LAMB1: variants seen among roughly 807,000 people sequenced by gnomAD.
LAMB1 encodes laminin subunit beta 1.
LAMB1 carries 121 observed loss-of-function variants against 222.3 expected under a neutral mutation model. That is an observed-to-expected ratio of 0.54 (90% CI 0.47 to 0.63). The LOEUF is 0.63. Ranked by LOEUF, LAMB1 falls within the 30% of genes least tolerant of loss-of-function variation. The pLI is 0.00. For synonymous variants in LAMB1, 794 were observed against 807.2 expected (o/e 0.98, Z 0.28); for missense variants, 2,172 against 2,240.8 (o/e 0.97, Z 0.62).
In LAMB1 at chr7:107,935,459, C is replaced by T. The variant is rs776711442; in HGVS notation, c.4144G>A (p.Ala1382Thr). Reference sequence around the variant, plus strand: ...AGGTCTAGGCTTTGTAGCTTGCCTGCCAGTTCATCAAGGAGGCGAGCCTGC... The same window carrying T: ...AGGTCTAGGCTTTGTAGCTTGCCTGTCAGTTCATCAAGGAGGCGAGCCTGC... ...EEQARLLDEL[A>T]GKLQSLDLSA... Residue 1382 changes from alanine to threonine, a missense_variant, in exon 27 of 34, where the codon GCA becomes ACA. Transcript: ENST00000222399. 3.5e-5 allele frequency: 56 copies of T among 1,610,592 alleles called. No individual in the cohort carries two copies. The highest frequency in any genetic ancestry group is 3.6e-5 in the Non-Finnish European group (43 of 1,179,346).
At chr7:107,954,178 G>T (rs2033324922) in intron 21 of LAMB1, among the ~76,000 whole-genome samples, 1 of 151,912 alleles carries the variant, frequency 6.6e-6, no homozygotes, top group Admixed American at 6.5e-5. Context: ...TTTAAGACAT[G>T]GGGCCTTGCT....
intron 5 of LAMB1, among the ~76,000 whole-genome samples, chr7:107,993,800 A>C (rs1278487630): frequency 6.6e-6 from 1 of 152,190 alleles, no homozygotes; most frequent in Non-Finnish European, 1.5e-5. Flanking sequence ...CAATTTATTT[A>C]GTGAAACCTT....
At chr7:107,951,411 G>C in intron 23 of LAMB1, 89 bp from the exon 24 acceptor site, 2 of 1,167,536 alleles carry the variant, frequency 1.7e-6, no homozygotes, top group South Asian at 1.3e-5. Context: ...TTAGAAGTAG[G>C]AATGAACTGT....
intron 17 of LAMB1, 23 bp downstream of exon 17, chr7:107,961,181 ATG>A (rs1171324484): frequency 1.2e-6 from 2 of 1,613,706 alleles, no homozygotes; most frequent in South Asian, 2.2e-5. Flanking sequence ...TTTCCTGCAT[ATG>A]CCAGAAGCAA....
intron 9 of LAMB1, among the ~76,000 whole-genome samples, chr7:107,977,530 A>G (rs1018236527): frequency 1.3e-5 from 2 of 152,102 alleles, no homozygotes; most frequent in Admixed American, 1.3e-4. Context: ...TCACATCTGT[A>G]AACTCCCAGC....
intron 20 of LAMB1, among the ~76,000 whole-genome samples, chr7:107,957,506 C>G (rs2237697): frequency 0.23 from 35,656 of 152,168 alleles, 5,098 homozygotes; most frequent in Middle Eastern, 0.32. Context: ...TGAGATTGCA[C>G]CACTGTACTT....
chr7:107,931,571 G>A lies in LAMB1; in HGVS notation c.4393-71C>T, dbSNP rs935272231. ...TAAAGGAGACCAGAATATTGGAAAT[G>A]GCTCAAAAATGATGTTGAAAAACTA... On this transcript the variant is annotated intron_variant, in intron 28 of 33. Transcript: ENST00000222399. 7.9e-6 allele frequency: 11 copies of A among 1,394,228 alleles called. No homozygotes were observed. In the African/African-American group the frequency reaches 1.3e-4, roughly 17 times the overall value. 86.4% of individuals were successfully genotyped at this position (1,394,228 alleles called of 1,614,324 possible).
chr7:107,965,171 T>C (rs1226598618), intron 13 of LAMB1, among the ~76,000 whole-genome samples: 1 of 152,172 alleles, frequency 6.6e-6, no homozygotes, highest in African/African-American at 2.4e-5. Flanking sequence ...AGAAATTTAG[T>C]CCCCGTTCTT....
chr7:108,002,002 C>G, intron 2 of LAMB1: 1 of 1,442,980 alleles, frequency 6.9e-7, no homozygotes, highest in Admixed American at 2.8e-5. Context: ...AACCCACCGA[C>G]GCTCGCGCCC....
Position 107,989,478 on chromosome 7 carries a change from T to C in LAMB1, c.424-3115A>G, listed in dbSNP as rs150629541. Among the ~76,000 whole-genome samples, 153 of 152,332 alleles carry C rather than the reference T, an allele frequency of 1.0e-3. 1 individual carries two copies. The highest frequency in any genetic ancestry group is 3.6e-3 in the African/African-American group (149 of 41,576). On this transcript the variant is annotated intron_variant, in intron 5 of 33. Coordinates refer to ENST00000222399, the MANE Select transcript of LAMB1 (RefSeq NM_002291.3). ...TAATCCTGCTGAGCTTTTTCTCTGA[T>C]AAAAGATGTCAAGGATAAGAACATG...
At chr7:107,962,416 G>C (rs2033525127) in intron 15 of LAMB1, among the ~76,000 whole-genome samples, 1 of 152,156 alleles carries the variant, frequency 6.6e-6, no homozygotes, top group Non-Finnish European at 1.5e-5. Flanking sequence ...CTGGATTCAA[G>C]AAAATGGTAC....
intron 12 of LAMB1, among the ~76,000 whole-genome samples, chr7:107,974,653 A>G (rs1056021029): frequency 1.3e-5 from 2 of 152,222 alleles, no homozygotes; most frequent in African/African-American, 4.8e-5. Flanking sequence ...GCTTTTCACA[A>G]AAGTACAAAC....
chr7:107,954,707 C>T lies in LAMB1; in HGVS notation c.2854+760G>A, dbSNP rs147260203. Reference sequence around the variant, plus strand: ...TCGGGAGGCTGAGGCTGGAGAATGGCGTGAACCTGGGAGGCGGAGCTTGCA... The same window carrying T: ...TCGGGAGGCTGAGGCTGGAGAATGGTGTGAACCTGGGAGGCGGAGCTTGCA... On this transcript the variant is annotated intron_variant, in intron 21 of 33. Coordinates refer to ENST00000222399, the MANE Select transcript of LAMB1 (RefSeq NM_002291.3). 6.6e-3 allele frequency among the ~76,000 whole-genome samples: 1,012 copies of T among 152,230 alleles called. 10 individuals are homozygous for T. Among genetic ancestry groups the T allele is most frequent in the African/African-American group, 0.017 (686 of 41,542 alleles).
chr7:107,965,720 T>C (rs2033621065), intron 13 of LAMB1, among the ~76,000 whole-genome samples: 1 of 152,212 alleles, frequency 6.6e-6, no homozygotes, highest in African/African-American at 2.4e-5. Flanking sequence ...GTTTGTTCTT[T>C]CTTTTTTTCT....
intron 5 of LAMB1, among the ~76,000 whole-genome samples, chr7:107,987,901 C>T (rs1288988487): frequency 2.0e-5 from 3 of 152,150 alleles, no homozygotes; most frequent in African/African-American, 7.2e-5. Flanking sequence ...AAGAAGTTGC[C>T]ATGCTAAGGG....
rs536831529 is a variant in LAMB1 at position 107,988,932 on chromosome 7, T to C, written c.424-2569A>G. On this transcript the variant is annotated intron_variant, in intron 5 of 33. Coordinates refer to ENST00000222399, the MANE Select transcript of LAMB1 (RefSeq NM_002291.3). Reference sequence around the variant, plus strand: ...TTAAGCCACCCAGTCCGTGACACTTTGTTATGGCATCCCTAGGAAACCAAG... The same window carrying C: ...TTAAGCCACCCAGTCCGTGACACTTCGTTATGGCATCCCTAGGAAACCAAG... Among the ~76,000 whole-genome samples the C allele has an allele frequency of 3.7e-4, 56 of 152,336 alleles. No homozygotes were observed. In the Middle Eastern group the frequency reaches 0.01, roughly 28 times the overall value.
chr7:107,970,179 C>T (rs1236872040), intron 13 of LAMB1, among the ~76,000 whole-genome samples: 2 of 152,074 alleles, frequency 1.3e-5, no homozygotes, highest in East Asian at 1.9e-4. Context: ...CGGGGCTTCA[C>T]CACGGTGAGT....
At chr7:107,987,605 ATTC>A (rs2034104072) in intron 5 of LAMB1, among the ~76,000 whole-genome samples, 1 of 152,306 alleles carries the variant, frequency 6.6e-6, no homozygotes, top group East Asian at 1.9e-4. Flanking sequence ...GGTTCAAACA[ATTC>A]TTCTGTCTCA....
At chr7:107,966,574 C>T (rs564206737) in intron 13 of LAMB1, among the ~76,000 whole-genome samples, 231 of 152,288 alleles carry the variant, frequency 1.5e-3, no homozygotes, top group Middle Eastern at 3.4e-3. Context: ...CCAATTAGGA[C>T]CTAGCCTTCT....
Sources: allele counts gnomAD v4.1 joint callset (sites outside exome capture counted in the v4.1 genomes callset), GRCh38; gene constraint gnomAD v4.1.1; transcripts MANE v1.5; gene names NCBI Gene and HGNC (gene_info 2026-07-23, HGNC 2026-07-21).